SH3GL2: variants seen among roughly 807,000 people sequenced by gnomAD.
SH3GL2 encodes SH3 domain containing GRB2 like 2, endophilin A1.
SH3GL2 carries 24 observed loss-of-function variants against 46.0 expected under a neutral mutation model. The ratio of observed to expected loss-of-function variants is 0.52; its 90% CI spans 0.38 to 0.73. The LOEUF is 0.73. Among genes scored for constraint, SH3GL2 ranks in the 30% least tolerant of loss-of-function variants. The probability of loss-of-function intolerance (pLI) is 0.00; values close to 1 mark genes in which losing one functional copy is unlikely to be tolerated. For missense variants in SH3GL2, 413 were observed against 424.2 expected (o/e 0.97, Z 0.23); for synonymous variants, 196 against 147.1 (o/e 1.33, Z -2.40).
At chr9:17,662,586 C>G (rs1401053551) in intron 1 of SH3GL2, among the ~76,000 whole-genome samples, 1 of 152,020 alleles carries the variant, frequency 6.6e-6, no homozygotes, top group Non-Finnish European at 1.5e-5. Context: ...CTCTTTCAGT[C>G]AGATACAGAC....
chr9:17,628,416 GT>G (rs1819337737), intron 1 of SH3GL2, among the ~76,000 whole-genome samples: 3 of 27,258 alleles, frequency 1.1e-4, no homozygotes, highest in African/African-American at 5.8e-4. Flanking sequence ...TCTTGGGTGT[GT>G]GTGTGTGTGT....
At chr9:17,659,769 CTGAACAA>C (rs1563801459) in intron 1 of SH3GL2, among the ~76,000 whole-genome samples, 1 of 152,098 alleles carries the variant, frequency 6.6e-6, no homozygotes, top group East Asian at 1.9e-4. Flanking sequence ...GACTTTCAAG[CTGAACAA>C]AAAATAATTG....
chr9:17,793,963 G>A (rs1824204733), intron 8 of SH3GL2, among the ~76,000 whole-genome samples: 1 of 152,206 alleles, frequency 6.6e-6, no homozygotes, highest in Non-Finnish European at 1.5e-5. Context: ...CTGATGAGCT[G>A]GATTTCTTGA....
chr9:17,767,457 G>T (rs1013027690), intron 3 of SH3GL2, among the ~76,000 whole-genome samples: 2 of 152,088 alleles, frequency 1.3e-5, no homozygotes, highest in African/African-American at 4.8e-5. Context: ...GATTATATTT[G>T]GTGACTGTGG....
intron 1 of SH3GL2, among the ~76,000 whole-genome samples, chr9:17,693,240 G>C (rs1159120324): frequency 2.0e-5 from 3 of 152,182 alleles, no homozygotes; most frequent in Non-Finnish European, 4.4e-5. Context: ...TGGACACATG[G>C]ATCAGGGTCC....
intron 1 of SH3GL2, among the ~76,000 whole-genome samples, chr9:17,600,470 CAGTT>C (rs552801411): frequency 1.0e-3 from 156 of 152,322 alleles, no homozygotes; most frequent in African/African-American, 3.6e-3. Flanking sequence ...GATGTTTTCT[CAGTT>C]AGATCTTCAG....
chr9:17,664,269 C>T (rs1044091240), intron 1 of SH3GL2, among the ~76,000 whole-genome samples: 3 of 152,114 alleles, frequency 2.0e-5, no homozygotes, highest in African/African-American at 7.2e-5. Context: ...GTTAGCAAAG[C>T]AAGCTTCCTT....
At chr9:17,631,803 T>C (rs1420312787) in intron 1 of SH3GL2, among the ~76,000 whole-genome samples, 13 of 152,206 alleles carry the variant, frequency 8.5e-5, no homozygotes, top group Admixed American at 8.5e-4. Context: ...TGGACGAGGC[T>C]CACTTTGAAA....
At chr9:17,727,429 C>A (rs1401829501) in intron 1 of SH3GL2, among the ~76,000 whole-genome samples, 2 of 152,128 alleles carry the variant, frequency 1.3e-5, no homozygotes, top group Non-Finnish European at 2.9e-5. Flanking sequence ...TAAAATATTT[C>A]TATTTGCTCC....
At chr9:17,702,566 G>T (rs953757588) in intron 1 of SH3GL2, among the ~76,000 whole-genome samples, 1 of 151,972 alleles carries the variant, frequency 6.6e-6, no homozygotes, top group Admixed American at 6.6e-5. Context: ...ACTCATGACT[G>T]AATTTCTTTA....
At chr9:17,758,421 G>A (rs1255141235) in intron 2 of SH3GL2, among the ~76,000 whole-genome samples, 2 of 151,646 alleles carry the variant, frequency 1.3e-5, no homozygotes, top group Non-Finnish European at 2.9e-5. Context: ...AATTAGCCAG[G>A]CATGGTGGTG....
At chr9:17,789,723 G>T in intron 6 of SH3GL2, 173 bp downstream of exon 6, 1 of 1,362,292 alleles carries the variant, frequency 7.3e-7, no homozygotes. Context: ...CTGAGAAATA[G>T]AAAAGTTTCT....
At chr9:17,634,980 G>C (rs568420165) in intron 1 of SH3GL2, among the ~76,000 whole-genome samples, 32 of 150,928 alleles carry the variant, frequency 2.1e-4, no homozygotes, top group Admixed American at 5.2e-4. Flanking sequence ...CCTTTTGTTT[G>C]TTTTTAATTT....
chr9:17,708,640 AGACCACTTCATT>A (rs982228053), intron 1 of SH3GL2, among the ~76,000 whole-genome samples: 18 of 152,000 alleles, frequency 1.2e-4, no homozygotes, highest in African/African-American at 4.3e-4. Flanking sequence ...CTTTAAGTAA[AGACCACTTCATT>A]TACCCTCATG....
intron 7 of SH3GL2, among the ~76,000 whole-genome samples, chr9:17,791,625 CA>C (rs1196102719): frequency 1.3e-5 from 2 of 152,188 alleles, no homozygotes; most frequent in Non-Finnish European, 2.9e-5. Context: ...ATTTGCTGAG[CA>C]GTTATTCCAT....
At chr9:17,687,163 A>G (rs933978185) in intron 1 of SH3GL2, among the ~76,000 whole-genome samples, 1 of 152,134 alleles carries the variant, frequency 6.6e-6, no homozygotes, top group Non-Finnish European at 1.5e-5. Flanking sequence ...CATTAAGTGT[A>G]TGCTTTGATT....
intron 1 of SH3GL2, among the ~76,000 whole-genome samples, chr9:17,672,907 A>C (rs1820508864): frequency 6.6e-6 from 1 of 152,144 alleles, no homozygotes; most frequent in South Asian, 2.1e-4. Context: ...TCATAGGCCC[A>C]ACTCAAAATG....
At chr9:17,654,778 T>C (rs544104462) in intron 1 of SH3GL2, among the ~76,000 whole-genome samples, 2 of 152,264 alleles carry the variant, frequency 1.3e-5, no homozygotes, top group Admixed American at 1.3e-4. Flanking sequence ...GTGACAGAAG[T>C]GTAATACCCA....
At chr9:17,675,837 G>A (rs1820594331) in intron 1 of SH3GL2, among the ~76,000 whole-genome samples, 1 of 152,074 alleles carries the variant, frequency 6.6e-6, no homozygotes, top group African/African-American at 2.4e-5. Context: ...CCCAGCTACT[G>A]GGGAGGCTGA....
Sources: gnomAD v4.1 joint callset for allele counts (sites outside exome capture counted in the v4.1 genomes callset) on GRCh38, gnomAD v4.1.1 for gene constraint, MANE v1.5 for transcripts, NCBI Gene and HGNC (gene_info 2026-07-23, HGNC 2026-07-21) for gene names.